The following TMED5 variants were observed in gnomAD, a reference collection of about 807,000 sequenced individuals.
TMED5 encodes transmembrane emp24 domain-containing protein 5.
In TMED5, 27 loss-of-function variants were observed where a neutral mutation model predicts 23.0. The ratio of observed to expected loss-of-function variants is 1.17; its 90% CI spans 0.86 to 1.62. The LOEUF (loss-of-function observed/expected upper bound fraction) is 1.62, where lower values mean the gene tolerates loss of function less well. Among genes scored for constraint, TMED5 ranks in the 40% most tolerant of loss-of-function variants. TMED5 has a pLI of 0.00. For missense variants in TMED5, 248 were observed against 273.7 expected (o/e 0.91, Z 0.66); for synonymous variants, 97 against 100.8 (o/e 0.96, Z 0.23).
At chr1:93,158,106 G>C (rs562167279) in intron 2 of TMED5, among the ~76,000 whole-genome samples, 7 of 137,106 alleles carry the variant, frequency 5.1e-5, no homozygotes, top group East Asian at 2.2e-4. Context: ...CTGGGCAACA[G>C]AGTGAGACTC....
intron 1 of TMED5, among the ~76,000 whole-genome samples, chr1:93,178,971 G>C (rs1009284265): frequency 2.0e-5 from 3 of 152,278 alleles, no homozygotes; most frequent in African/African-American, 7.2e-5. Context: ...ATCGGAATTT[G>C]CTGTGGAACG....
intron 2 of TMED5, among the ~76,000 whole-genome samples, chr1:93,158,391 C>CA (rs1349482742): frequency 1.3e-5 from 2 of 152,106 alleles, no homozygotes; most frequent in Non-Finnish European, 2.9e-5. Flanking sequence ...ATTATAAACT[C>CA]AATTATTTTC....
At position 93,180,140 on chromosome 1, in the gene TMED5, C is replaced by A; in HGVS notation, c.103G>T (p.Asp35Tyr). 6.2e-7 allele frequency: 1 copy of A among 1,613,634 alleles called. No individual in the cohort carries two copies. The highest frequency in any genetic ancestry group is 1.1e-5 in the South Asian group (1 of 91,062). ...AAGFTPSLDS[D>Y]FTFTLPAGQK... is the part of the protein sequence containing the mutation. ...CCGGCGGGAAGGGTAAAGGTGAAGT[C>A]GCTATCGAGGGAAGGTGTGAAGCCG... Residue 35 changes from aspartate to tyrosine, a missense_variant, in exon 1 of 4, where the codon GAC (aspartate) becomes TAC (tyrosine). Physicochemically the swap from Asp to Tyr is radical, Grantham distance 160 (BLOSUM62 -3). Transcript: ENST00000370282.
At chr1:93,155,534 T>G (rs1243546717) in intron 3 of TMED5, among the ~76,000 whole-genome samples, 9 of 77,292 alleles carry the variant, frequency 1.2e-4, no homozygotes, top group Non-Finnish European at 1.9e-4. Flanking sequence ...TGACTAAGGT[T>G]TTTTTTTTTT....
chr1:93,156,725 T>G (rs1431921340), intron 2 of TMED5, among the ~76,000 whole-genome samples: 1 of 149,808 alleles, frequency 6.7e-6, no homozygotes, highest in East Asian at 2.0e-4. Flanking sequence ...TGAGGATTGC[T>G]TGAGCCCGGA....
Position 93,153,319 on chromosome 1 carries a change from T to G in TMED5, c.*1351A>C, listed in dbSNP as rs185703390. 220 of 152,214 alleles carry G rather than the reference T, an allele frequency of 1.4e-3. No homozygotes were observed. Among genetic ancestry groups the G allele is most frequent in the African/African-American group, 5.2e-3 (215 of 41,506 alleles). The allele number at this position is 152,214 out of a possible 1,614,324, so 9.4% of individuals were successfully genotyped here. On this transcript the variant is annotated 3_prime_UTR_variant, in exon 4 of 4. Coordinates refer to ENST00000370282, the MANE Select transcript of TMED5 (RefSeq NM_016040.5). ...AAAACTTGGGAGTCTATGTTTCTAA[T>G]CCTTACTTCAACATCAATAAATAAA...
At chr1:93,179,999 A>G in intron 1 of TMED5, 55 bp downstream of exon 1, 3 of 1,545,746 alleles carry the variant, frequency 1.9e-6, no homozygotes, top group South Asian at 2.3e-5. Context: ...GTGAGAGGCG[A>G]CAACGCAGTG....
At position 93,180,368 on chromosome 1, in the gene TMED5, CGCG is replaced by C; in HGVS notation, c.-129_-127del. 8.4e-6 allele frequency: 11 copies of C among 1,315,846 alleles called. No homozygotes were observed. The highest frequency in any genetic ancestry group is 2.9e-5 in the Admixed American group (1 of 34,102). The allele number at this position is 1,315,846 out of a possible 1,614,324, so 81.5% of individuals were successfully genotyped here. On this transcript the variant is annotated 5_prime_UTR_variant, in exon 1 of 4. Transcript: ENST00000370282. The stretch of plus-strand genomic sequence containing the variant: ...GTCTGAAGAAACTCCAGGTGGCGGC[CGCG>C]GCGGCGGCGAACACTCCCTCCGAAA...
intron 1 of TMED5, among the ~76,000 whole-genome samples, chr1:93,167,498 T>A (rs1254268599): frequency 1.3e-5 from 2 of 152,200 alleles, no homozygotes; most frequent in Non-Finnish European, 2.9e-5. Flanking sequence ...AATTCTTTTT[T>A]AATTTTACTT....
chr1:93,153,478 G>A lies in TMED5; in HGVS notation c.*1192C>T, dbSNP rs1408776560. 1.3e-5 allele frequency: 2 copies of A among 152,036 alleles called. No individual in the cohort carries two copies. The highest frequency in any genetic ancestry group is 2.9e-5 in the Non-Finnish European group (2 of 67,968). The allele number at this position is 152,036 out of a possible 1,614,324, so 9.4% of individuals were successfully genotyped here. A position where few individuals can be genotyped will look rare whatever the true frequency, so the allele number is the denominator to read the frequency against. On this transcript the variant is annotated 3_prime_UTR_variant, in exon 4 of 4. Transcript: ENST00000370282. Reference sequence around the variant, plus strand: ...CTGCTTACAAAAATAATTCAAACCAGAATTCTTGTAGAAAATAAAAACCTA... The same window carrying A: ...CTGCTTACAAAAATAATTCAAACCAAAATTCTTGTAGAAAATAAAAACCTA...
chr1:93,172,693 GGT>G (rs1198928981), intron 1 of TMED5, among the ~76,000 whole-genome samples: 3 of 151,992 alleles, frequency 2.0e-5, no homozygotes, highest in Non-Finnish European at 2.9e-5. Flanking sequence ...AAAACAATAT[GGT>G]GGTTCCTCAA....
At chr1:93,170,370 C>CG (rs1308943009) in intron 1 of TMED5, among the ~76,000 whole-genome samples, 3 of 152,218 alleles carry the variant, frequency 2.0e-5, no homozygotes, top group African/African-American at 7.2e-5. Context: ...AGCGGCCGGC[C>CG]GGCCTGCAAG....
chr1:93,168,891 G>A (rs1015732815), intron 1 of TMED5, among the ~76,000 whole-genome samples: 7 of 152,120 alleles, frequency 4.6e-5, no homozygotes, highest in African/African-American at 1.7e-4. Flanking sequence ...CAACTTTCCA[G>A]GAAGACATAC....
intron 1 of TMED5, among the ~76,000 whole-genome samples, chr1:93,175,749 A>C (rs1363454357): frequency 6.6e-6 from 1 of 152,262 alleles, no homozygotes; most frequent in Admixed American, 6.5e-5. Context: ...ATATTCTCCC[A>C]AAAACTCACC....
At chr1:93,168,293 A>G (rs1011345740) in intron 1 of TMED5, among the ~76,000 whole-genome samples, 1 of 152,230 alleles carries the variant, frequency 6.6e-6, no homozygotes, top group African/African-American at 2.4e-5. Flanking sequence ...TAATCCAACA[A>G]TATCAGTAAG....
At position 93,152,476 on chromosome 1, in the gene TMED5, A is replaced by ATCTG. The variant is rs1392343319; in HGVS notation, c.*2190_*2193dup. 3.9e-5 allele frequency: 6 copies of ATCTG among 152,238 alleles called. No individual in the cohort carries two copies. The highest frequency in any genetic ancestry group is 9.7e-5 in the African/African-American group (4 of 41,448). The allele number at this position is 152,238 out of a possible 1,614,324, so 9.4% of individuals were successfully genotyped here. A position where few individuals can be genotyped will look rare whatever the true frequency, so the allele number is the denominator to read the frequency against. ...GCTTTTTTGGTTATGCCTCTTAAATATCTGTCTTTTTACTTTGTCTATAAA... is the reference window on the plus strand; with the variant it reads ...GCTTTTTTGGTTATGCCTCTTAAATATCTGTCTGTCTTTTTACTTTGTCTATAAA... On this transcript the variant is annotated 3_prime_UTR_variant, in exon 4 of 4. Transcript: ENST00000370282.
intron 1 of TMED5, chr1:93,161,723 T>C (rs1285350566): frequency 6.6e-6 from 1 of 152,212 alleles, no homozygotes; most frequent in Non-Finnish European, 1.5e-5. Flanking sequence ...AGACGTTCTC[T>C]GGAATCTAAG....
intron 1 of TMED5, among the ~76,000 whole-genome samples, chr1:93,170,022 C>T (rs1044484073): frequency 6.6e-6 from 1 of 152,068 alleles, no homozygotes; most frequent in Non-Finnish European, 1.5e-5. Flanking sequence ...GAGGTATGAT[C>T]GTGCCACTGA....
At chr1:93,158,984 T>C (rs574193739) in intron 2 of TMED5, 1 of 370,948 alleles carries the variant, frequency 2.7e-6, no homozygotes, top group African/African-American at 2.2e-5. Context: ...TGCAAATATT[T>C]TTCTGAGCTC....
Sources: gnomAD v4.1 joint callset for allele counts (sites outside exome capture counted in the v4.1 genomes callset) on GRCh38, gnomAD v4.1.1 for gene constraint, MANE v1.5 for transcripts, NCBI Gene and HGNC (gene_info 2026-07-23, HGNC 2026-07-21) for gene names.